DACH1: variants seen among roughly 807,000 people sequenced by gnomAD.
The protein encoded by DACH1 is dachshund family transcription factor 1, also known as dachshund homolog 1.
DACH1 carries 12 observed loss-of-function variants against 54.2 expected under a neutral mutation model. The ratio of observed to expected loss-of-function variants is 0.22; its 90% confidence interval spans 0.14 to 0.36. The LOEUF (loss-of-function observed/expected upper bound fraction) is 0.36, where lower values mean the gene tolerates loss of function less well. Ranked by LOEUF, DACH1 falls within the 10% of genes least tolerant of loss-of-function variation. DACH1 has a pLI of 1.00. For missense variants in DACH1, 805 were observed against 929.8 expected (o/e 0.87, Z 1.75); for synonymous variants, 386 against 366.2 (o/e 1.05, Z -0.62).
chr13:71,765,972 C>T (rs891316540), intron 1 of DACH1, among the ~76,000 whole-genome samples: 18 of 151,420 alleles, frequency 1.2e-4, no homozygotes, highest in African/African-American at 4.1e-4. Context: ...CTGCAAGCTC[C>T]GCCTCCCGGG....
chr13:71,582,483 C>A (rs1035930722), intron 3 of DACH1, among the ~76,000 whole-genome samples: 7 of 152,040 alleles, frequency 4.6e-5, no homozygotes, highest in Non-Finnish European at 8.8e-5. Flanking sequence ...ACCAAATAGA[C>A]ACAACTAAGA....
At chr13:71,573,667 T>A (rs532007992) in intron 3 of DACH1, 3 of 436,242 alleles carry the variant, frequency 6.9e-6, no homozygotes, top group Admixed American at 8.1e-5. Flanking sequence ...ATGTATCACA[T>A]TTGGAGTTGG....
At chr13:71,778,581 C>T (rs916935531) in intron 1 of DACH1, among the ~76,000 whole-genome samples, 1 of 151,678 alleles carries the variant, frequency 6.6e-6, no homozygotes, top group Non-Finnish European at 1.5e-5. Flanking sequence ...AAAGGCATAA[C>T]TATTGTTTTC....
rs1376576923 is a variant in DACH1 at position 71,542,126 on chromosome 13, T to C, written c.1570+14898A>G. ...TTAGCTGGGCATGGCAGTGGGCACCTGTAATCCCAGCTACTTAGTAGGCTG... is the reference window on the plus strand; with the variant it reads ...TTAGCTGGGCATGGCAGTGGGCACCCGTAATCCCAGCTACTTAGTAGGCTG... On this transcript the variant is annotated intron_variant, in intron 6 of 10. Coordinates refer to ENST00000613252, the MANE Select transcript of DACH1 (RefSeq NM_080759.6). Among the ~76,000 whole-genome samples, 3 of 151,816 alleles carry C rather than the reference T, an allele frequency of 2.0e-5. No homozygotes were observed. In the East Asian group the frequency reaches 5.8e-4, roughly 29 times the overall value.
At chr13:71,701,962 C>T (rs1882156359) in intron 1 of DACH1, among the ~76,000 whole-genome samples, 1 of 152,078 alleles carries the variant, frequency 6.6e-6, no homozygotes, top group Non-Finnish European at 1.5e-5. Context: ...ACTCCACATG[C>T]CTGCGTGTGC....
intron 2 of DACH1, among the ~76,000 whole-genome samples, chr13:71,679,198 G>A (rs892619371): frequency 3.9e-5 from 6 of 152,072 alleles, no homozygotes; most frequent in African/African-American, 7.2e-5. Flanking sequence ...AAGTATCTTC[G>A]GTGTCTCTGT....
intron 6 of DACH1, among the ~76,000 whole-genome samples, chr13:71,535,812 GA>G (rs1461375843): frequency 6.6e-6 from 1 of 151,822 alleles, no homozygotes; most frequent in Non-Finnish European, 1.5e-5. Context: ...TATCTTATAT[GA>G]TTTTTTTTAA....
At chr13:71,863,991 C>T (rs565687324) in intron 1 of DACH1, among the ~76,000 whole-genome samples, 24 of 151,920 alleles carry the variant, frequency 1.6e-4, no homozygotes, top group Non-Finnish European at 4.4e-5. Flanking sequence ...TTCTTCATAA[C>T]TCCAGAACAA....
chr13:71,859,882 A>C (rs186870020), intron 1 of DACH1, among the ~76,000 whole-genome samples: 21 of 151,996 alleles, frequency 1.4e-4, no homozygotes, highest in Non-Finnish European at 2.8e-4. Context: ...TTTTTACTAG[A>C]AATATTTTTG....
At chr13:71,494,376 C>G (rs1879237803) in intron 6 of DACH1, among the ~76,000 whole-genome samples, 1 of 151,772 alleles carries the variant, frequency 6.6e-6, no homozygotes, top group Non-Finnish European at 1.5e-5. Context: ...TGAATTTTGA[C>G]TTTTTTTCCC....
chr13:71,688,992 A>G (rs1881331011), intron 1 of DACH1, among the ~76,000 whole-genome samples: 1 of 152,228 alleles, frequency 6.6e-6, no homozygotes, highest in Admixed American at 6.6e-5. Context: ...CAAATTTCCA[A>G]GAATGGGGTA....
intron 3 of DACH1, among the ~76,000 whole-genome samples, chr13:71,613,228 C>T (rs945849324): frequency 6.6e-6 from 1 of 152,136 alleles, no homozygotes; most frequent in African/African-American, 2.4e-5. Context: ...TTTTTAAGAA[C>T]ATCTGCAGAA....
intron 1 of DACH1, among the ~76,000 whole-genome samples, chr13:71,834,128 AAATC>A (rs1388350289): frequency 6.6e-6 from 1 of 151,994 alleles, no homozygotes; most frequent in Non-Finnish European, 1.5e-5. Context: ...TGGACAGAAA[AAATC>A]AATTAAAGTA....
Position 71,527,418 on chromosome 13 carries a change from A to G in DACH1, c.1570+29606T>C, listed in dbSNP as rs973345343. Reference sequence around the variant, plus strand: ...GTTGCAACTTCGGAGCAACTTGGATAGTAACAGATTGTATTTTCCCAAAAT... The same window carrying G: ...GTTGCAACTTCGGAGCAACTTGGATGGTAACAGATTGTATTTTCCCAAAAT... On this transcript the variant is annotated intron_variant, in intron 6 of 10. Coordinates refer to ENST00000613252, the MANE Select transcript of DACH1 (RefSeq NM_080759.6). Among the ~76,000 whole-genome samples, 10 of 152,316 alleles carry G rather than the reference A, an allele frequency of 6.6e-5. No individual in the cohort carries two copies. The East Asian group carries it at 1.9e-3, about 29-fold the overall frequency.
At chr13:71,665,436 TATAA>T (rs1248791414) in intron 2 of DACH1, among the ~76,000 whole-genome samples, 5 of 152,016 alleles carry the variant, frequency 3.3e-5, no homozygotes, top group Non-Finnish European at 7.4e-5. Flanking sequence ...AAAATGTAAC[TATAA>T]AATATATAAA....
intron 1 of DACH1, among the ~76,000 whole-genome samples, chr13:71,784,194 GC>G (rs1886501712): frequency 6.6e-6 from 1 of 151,988 alleles, no homozygotes; most frequent in Admixed American, 6.6e-5. Flanking sequence ...GAGTACATTT[GC>G]ACTGTTTTCC....
At chr13:71,750,571 G>T (rs916177178) in intron 1 of DACH1, among the ~76,000 whole-genome samples, 22 of 152,172 alleles carry the variant, frequency 1.4e-4, no homozygotes, top group African/African-American at 4.8e-4. Context: ...AGTGCAAATT[G>T]TTTCTTTAGA....
chr13:71,699,461 G>T (rs1331273984), intron 1 of DACH1, among the ~76,000 whole-genome samples: 1 of 152,172 alleles, frequency 6.6e-6, no homozygotes, highest in African/African-American at 2.4e-5. Context: ...TTCCCTGGTT[G>T]AATGACAAAG....
chr13:71,795,643 T>C (rs987200430), intron 1 of DACH1, among the ~76,000 whole-genome samples: 2 of 152,156 alleles, frequency 1.3e-5, no homozygotes, highest in African/African-American at 2.4e-5. Context: ...GGGCAGTATG[T>C]GCTACTGAGA....
Sources: allele counts gnomAD v4.1 joint callset (sites outside exome capture counted in the v4.1 genomes callset), GRCh38; gene constraint gnomAD v4.1.1; transcripts MANE v1.5; gene names NCBI Gene and HGNC (gene_info 2026-07-23, HGNC 2026-07-21).